The following ZNF586 variants were observed in gnomAD, a reference collection of about 807,000 sequenced individuals.
ZNF586 encodes the protein zinc finger protein 586.
ZNF586 carries 7 observed loss-of-function variants against 6.7 expected under a neutral mutation model. The ratio of observed to expected loss-of-function variants is 1.04; its 90% CI spans 0.59 to 1.95. The LOEUF (loss-of-function observed/expected upper bound fraction) is 1.95. ZNF586 is among the 30% of genes most tolerant of loss of function. ZNF586 has a pLI of 0.00. For synonymous variants in ZNF586, 166 were observed against 168.7 expected, an observed-to-expected ratio of 0.98 and a Z score of 0.12; for missense variants, 442 against 489.6, an observed-to-expected ratio of 0.90 and a Z score of 0.92.
intron 1 of ZNF586, chr19:57,774,892 C>G: frequency 3.8e-6 from 1 of 263,192 alleles, no homozygotes; most frequent in Non-Finnish European, 5.9e-6. Context: ...TCTCCCTCCC[C>G]ACTCTGCTCT....
intron 1 of ZNF586, among the ~76,000 whole-genome samples, 175 bp from the exon 2 acceptor site, chr19:57,776,368 T>C (rs1987236355): frequency 6.6e-6 from 1 of 152,162 alleles, no homozygotes; most frequent in African/African-American, 2.4e-5. Flanking sequence ...CTGACGGCTA[T>C]GTGTCATGAT....
intron 1 of ZNF586, among the ~76,000 whole-genome samples, chr19:57,774,019 C>T (rs1049253169): frequency 1.3e-5 from 2 of 151,742 alleles, no homozygotes; most frequent in African/African-American, 4.8e-5. Context: ...GGTTCGAGAT[C>T]AGCGTCGCCA....
chr19:57,770,817 T>G (rs767574459), intron 1 of ZNF586, among the ~76,000 whole-genome samples: 6 of 151,922 alleles, frequency 3.9e-5, no homozygotes, highest in Non-Finnish European at 8.8e-5. Flanking sequence ...AGTCCTTCAC[T>G]GGTCCTCATC....
chr19:57,771,341 C>T (rs1302269017), intron 1 of ZNF586, among the ~76,000 whole-genome samples: 1 of 151,378 alleles, frequency 6.6e-6, no homozygotes, highest in Non-Finnish European at 1.5e-5. Flanking sequence ...TGGGGTTTCG[C>T]CATGTTGCCC....
In ZNF586 at chr19:57,779,780, T is replaced by A; in HGVS notation, c.1193T>A (p.Met398Lys). ...CGCCATCAGAGAGTTCATACTGGAATGAGGCCTTATAAGTGAAGCAAATTT... is the reference window on the plus strand; with the variant it reads ...CGCCATCAGAGAGTTCATACTGGAAAGAGGCCTTATAAGTGAAGCAAATTT... ...FRRHQRVHTG[M>K]RPYK is the part of the protein sequence containing the mutation. The change falls in exon 3 of 3, where the codon ATG (methionine) becomes AAG (lysine). Residue 398 changes from methionine (M) to lysine (K), a missense_variant. Coordinates refer to ENST00000396154, the MANE Select transcript of ZNF586 (RefSeq NM_017652.4). 1.3e-6 allele frequency: 2 copies of A among 1,592,854 alleles called. No individual in the cohort carries two copies. The highest frequency in any genetic ancestry group is 1.7e-6 in the Non-Finnish European group (2 of 1,169,372).
rs111230485 is a variant in ZNF586, at chr19:57,769,871, C to T, written c.29C>T (p.Pro10Leu). 3.2e-6 allele frequency: 5 copies of T among 1,544,120 alleles called. No homozygotes were observed. The highest frequency in any genetic ancestry group is 1.7e-4 in the Middle Eastern group (1 of 5,944). Reference protein sequence around the residue: MAAAAALRAPAQSSVTFEDV... With the variant: MAAAAALRALAQSSVTFEDV... ...GCGGCAGCAGCCGCTCTGAGGGCGC[C>T]TGCTCAGGTGAGCGCTGCGACCTCC... is the stretch of plus-strand genomic sequence containing the variant. The change falls in exon 1 of 3, where the codon CCT becomes CTT. Residue 10 changes from proline (P) to leucine (L), a missense_variant. Physicochemically the swap from Pro to Leu is moderately conservative, Grantham distance 98. Transcript: ENST00000396154.
chr19:57,772,615 A>C (rs1987124258), intron 1 of ZNF586, among the ~76,000 whole-genome samples: 2 of 151,882 alleles, frequency 1.3e-5, no homozygotes, highest in African/African-American at 4.8e-5. Flanking sequence ...GAGATGCTTT[A>C]ATTTGCCAGT....
rs1206877827 is a variant in ZNF586 at position 57,774,193 on chromosome 19, G to A, written c.37-2350G>A. Among the ~76,000 whole-genome samples the A allele has an allele frequency of 2.2e-5, 3 of 137,360 alleles. No homozygotes were observed. The East Asian group carries it at 6.3e-4, about 29-fold the overall frequency. The allele number at this position is 137,360 out of a possible 152,430, so 90.1% of individuals were successfully genotyped here. ...ATTGTGTCATTGCACTCTAGCCTGG[G>A]TGACAAGAGTGAAACTCCGTCTCAA... On this transcript the variant is annotated intron_variant, in intron 1 of 2. Transcript: ENST00000396154.
chr19:57,771,300 GAAAA>G (rs61324595), intron 1 of ZNF586, among the ~76,000 whole-genome samples: 2 of 133,806 alleles, frequency 1.5e-5, no homozygotes, highest in Admixed American at 7.5e-5. Context: ...GACTCCGTCT[GAAAA>G]AAAAAAAAAA....
At position 57,779,700 on chromosome 19, in the gene ZNF586, G is replaced by C. The variant is rs562557840; in HGVS notation, c.1113G>C (p.Arg371Ser). The C allele has an allele frequency of 6.2e-7, 1 of 1,614,124 alleles. No individual in the cohort carries two copies. Among genetic ancestry groups the C allele is most frequent in the African/African-American group, 1.3e-5 (1 of 75,016 alleles). Residue 371 changes from arginine to serine, a missense_variant, in exon 3 of 3, where the codon AGG (arginine) becomes AGC (serine). Transcript: ENST00000396154. ...IKHLRVHTGERPYECIDCGKS... is the reference protein window; with the variant it reads ...IKHLRVHTGESPYECIDCGKS... Reference sequence around the variant, plus strand: ...ACTTGAGAGTTCACACTGGAGAAAGGCCATATGAATGCATTGATTGTGGAA... The same window carrying C: ...ACTTGAGAGTTCACACTGGAGAAAGCCCATATGAATGCATTGATTGTGGAA...
Position 57,779,852 on chromosome 19 carries a change from T to G in ZNF586, c.*56T>G. On this transcript the variant is annotated 3_prime_UTR_variant, in exon 3 of 3. Transcript: ENST00000396154. Reference sequence around the variant, plus strand: ...TTTTTGCTCCTTCAAGGCCAGAGAGTTCACACCAGATCAAGGTGTTATGAG... The same window carrying G: ...TTTTTGCTCCTTCAAGGCCAGAGAGGTCACACCAGATCAAGGTGTTATGAG... 7.0e-7 allele frequency: 1 copy of G among 1,423,180 alleles called. No individual in the cohort carries two copies. The highest frequency in any genetic ancestry group is 9.6e-7 in the Non-Finnish European group (1 of 1,044,160). The allele number at this position is 1,423,180 out of a possible 1,614,324, so 88.2% of individuals were successfully genotyped here. A position where few individuals can be genotyped will look rare whatever the true frequency, so the allele number is the denominator to read the frequency against.
rs1403456500 is a variant in ZNF586 at position 57,779,276 on chromosome 19, G to T, written c.689G>T (p.Gly230Val). 6.2e-7 allele frequency: 1 copy of T among 1,614,228 alleles called. No individual in the cohort carries two copies. Among genetic ancestry groups the T allele is most frequent in the Admixed American group, 1.7e-5 (1 of 60,032 alleles). The change falls in exon 3 of 3, where the codon GGA (glycine) becomes GTA (valine). Residue 230 changes from glycine (G) to valine (V), a missense_variant. Gly to Val is a moderately radical substitution (Grantham distance 109, BLOSUM62 -3). Coordinates refer to ENST00000396154, the MANE Select transcript of ZNF586 (RefSeq NM_017652.4). ...SLIKHRRIHT[G>V]ERPYECSECG... Reference sequence around the variant, plus strand: ...ATTAAACACAGGAGGATTCACACTGGAGAGAGGCCTTATGAGTGCAGTGAA... The same window carrying T: ...ATTAAACACAGGAGGATTCACACTGTAGAGAGGCCTTATGAGTGCAGTGAA...
In ZNF586 at chr19:57,779,244, T is replaced by G. The variant is rs754242526; in HGVS notation, c.657T>G (p.Ser219=). The change falls in exon 3 of 3, where the codon TCT becomes TCG. Residue 219 remains serine, a synonymous_variant. Transcript: ENST00000396154. ...NECGKSFAYT[S]SLIKHRRIHT... is the part of the protein sequence containing the mutation. ...GTGGGAAGTCCTTTGCTTATACATC[T>G]AGTCTCATTAAACACAGGAGGATTC... 6.2e-6 allele frequency: 10 copies of G among 1,613,818 alleles called. No individual in the cohort carries two copies. In the African/African-American group the frequency reaches 1.2e-4, roughly 19 times the overall value.
chr19:57,770,911 C>T (rs991296293), intron 1 of ZNF586, among the ~76,000 whole-genome samples: 2 of 151,818 alleles, frequency 1.3e-5, no homozygotes, highest in Non-Finnish European at 2.9e-5. Context: ...GTTGCGGTGA[C>T]GCGATCACGG....
At chr19:57,772,499 GT>G (rs397694745) in intron 1 of ZNF586, among the ~76,000 whole-genome samples, 35 of 147,318 alleles carry the variant, frequency 2.4e-4, no homozygotes, top group Non-Finnish European at 2.7e-4. Flanking sequence ...GCCCCAGGAT[GT>G]TTTTTTTTTT....
intron 1 of ZNF586, 116 bp from the exon 2 acceptor site, chr19:57,776,427 C>T (rs1009692889): frequency 3.9e-5 from 53 of 1,366,214 alleles, no homozygotes; most frequent in Non-Finnish European, 5.0e-5. Context: ...AATTTCTCCT[C>T]TGAGTTGGGG....
rs779109820 is a variant in ZNF586, at chr19:57,779,040, G to T, written c.453G>T (p.Glu151Asp). Residue 151 changes from glutamate (E) to aspartate (D), a missense_variant, in exon 3 of 3, where the codon GAG becomes GAT. By Grantham distance (45) the Glu-to-Asp change is conservative. Transcript: ENST00000396154. ...TTCATACTGGGCAAAAGACCTATGA[G>T]TGCAGTGAGTGTGGAAAATCATTTC... Reference protein sequence around the residue: ...ERFHTGQKTYECSECGKSFHQ... With the variant: ...ERFHTGQKTYDCSECGKSFHQ... The T allele has an allele frequency of 7.4e-6, 12 of 1,613,940 alleles. No individual in the cohort carries two copies. Among genetic ancestry groups the T allele is most frequent in the Non-Finnish European group, 8.5e-6 (10 of 1,180,036 alleles).
At chr19:57,770,697 G>C (rs1987074637) in intron 1 of ZNF586, among the ~76,000 whole-genome samples, 1 of 152,216 alleles carries the variant, frequency 6.6e-6, no homozygotes, top group Non-Finnish European at 1.5e-5. Flanking sequence ...AGAGAAGCCT[G>C]AGTCTATCAA....
At chr19:57,776,873 G>A (rs932954023) in intron 2 of ZNF586, among the ~76,000 whole-genome samples, 1 of 152,116 alleles carries the variant, frequency 6.6e-6, no homozygotes, top group African/African-American at 2.4e-5. Context: ...GGCTTCCAGG[G>A]AAGGAGTCAG....
Sources: allele counts gnomAD v4.1 joint callset (sites outside exome capture counted in the v4.1 genomes callset), GRCh38; gene constraint gnomAD v4.1.1; transcripts MANE v1.5; gene names NCBI Gene and HGNC (gene_info 2026-07-23, HGNC 2026-07-21).